GPATCH8: variants seen among roughly 807,000 people sequenced by gnomAD.
GPATCH8 encodes the protein G patch domain-containing protein 8.
Under a neutral mutation model 118.3 loss-of-function variants are expected in GPATCH8, and 18 were observed. That is an observed-to-expected ratio of 0.15 (90% CI 0.11 to 0.23). The LOEUF (loss-of-function observed/expected upper bound fraction) is 0.23. GPATCH8 is among the 10% of genes least tolerant of loss of function. GPATCH8 has a pLI of 1.00. For missense variants in GPATCH8, 1,631 were observed against 1,873.8 expected (o/e 0.87, Z 2.39); for synonymous variants, 659 against 684.7 (o/e 0.96, Z 0.59).
chr17:44,434,297 GAAGAAAAAGGGGA>G (rs939552624), intron 5 of GPATCH8, among the ~76,000 whole-genome samples: 1 of 151,686 alleles, frequency 6.6e-6, no homozygotes, highest in Non-Finnish European at 1.5e-5. Context: ...GAGGAAAGGA[GAAGAAAAAGGGGA>G]AAGAAAAAGG....
Position 44,464,339 on chromosome 17 carries a change from ACTACT to A in GPATCH8, c.193+128_193+132del, listed in dbSNP as rs996964864. The A allele has an allele frequency of 9.3e-6, 7 of 755,824 alleles. 1 individual carries two copies. The highest frequency in any genetic ancestry group is 2.5e-5 in the East Asian group (1 of 40,602). The allele number at this position is 755,824 out of a possible 1,614,324, so 46.8% of individuals were successfully genotyped here. ...TAAAATACAGTTATAGGACAAACAG[ACTACT>A]CTAAGGGGAAAAAGGTAGTAGGGAG... On this transcript the variant is annotated intron_variant, in intron 3 of 7. Coordinates refer to ENST00000591680, the MANE Select transcript of GPATCH8 (RefSeq NM_001002909.4).
intron 6 of GPATCH8, among the ~76,000 whole-genome samples, chr17:44,423,118 G>A (rs1185233298): frequency 3.9e-5 from 6 of 152,022 alleles, no homozygotes; most frequent in Non-Finnish European, 8.8e-5. Context: ...GCAGGCACCT[G>A]TAATCCCAGC....
chr17:44,470,962 T>G (rs764282144), intron 2 of GPATCH8, among the ~76,000 whole-genome samples: 4 of 152,232 alleles, frequency 2.6e-5, no homozygotes, highest in Admixed American at 6.5e-5. Flanking sequence ...AGGTTATAAT[T>G]ATAACATTTG....
chr17:44,454,683 A>G (rs979794266), intron 3 of GPATCH8, among the ~76,000 whole-genome samples: 10 of 152,118 alleles, frequency 6.6e-5, no homozygotes, highest in African/African-American at 2.4e-4. Context: ...TTGGTCTCCC[A>G]CAGTGCTGGG....
chr17:44,420,908 G>A (rs1036608590), intron 6 of GPATCH8, among the ~76,000 whole-genome samples: 2 of 152,018 alleles, frequency 1.3e-5, no homozygotes, highest in African/African-American at 4.8e-5. Context: ...CACTTAGGCT[G>A]GAGTGCAGTG....
intron 7 of GPATCH8, 144 bp from the exon 8 acceptor site, chr17:44,401,597 C>A: frequency 1.5e-6 from 1 of 662,200 alleles, no homozygotes; most frequent in South Asian, 1.7e-5. Flanking sequence ...TATTCCCTAG[C>A]CCTATACTAA....
chr17:44,489,398 T>C (rs1441099592), intron 1 of GPATCH8, among the ~76,000 whole-genome samples: 1 of 149,932 alleles, frequency 6.7e-6, no homozygotes. Flanking sequence ...TGGAATGCAA[T>C]GGTGCCATCT....
chr17:44,486,298 G>C (rs1968777628), intron 1 of GPATCH8: 1 of 151,900 alleles, frequency 6.6e-6, no homozygotes, highest in African/African-American at 2.4e-5. Flanking sequence ...GTGTTGCCCA[G>C]GCTGTTTTCA....
chr17:44,396,165 A>C lies in GPATCH8; in HGVS notation c.*1403T>G, dbSNP rs1244858062. On this transcript the variant is annotated 3_prime_UTR_variant, in exon 8 of 8. Transcript: ENST00000591680. Reference sequence around the variant, plus strand: ...GGCACATTAAAAAAAAAATTGTCAGAGGGGGCTAAGTACTAGGAAGGCAAA... The same window carrying C: ...GGCACATTAAAAAAAAAATTGTCAGCGGGGGCTAAGTACTAGGAAGGCAAA... 2.2e-6 allele frequency: 1 copy of C among 454,364 alleles called. No individual in the cohort carries two copies. Among genetic ancestry groups the C allele is most frequent in the African/African-American group, 2.0e-5 (1 of 49,972 alleles). The allele number at this position is 454,364 out of a possible 1,614,324, so 28.1% of individuals were successfully genotyped here.
At chr17:44,467,106 A>C (rs1348647621) in intron 2 of GPATCH8, 3 of 1,263,244 alleles carry the variant, frequency 2.4e-6, no homozygotes, top group African/African-American at 3.1e-5. Context: ...CCTGGCTTTA[A>C]AAACTGGGCT....
chr17:44,400,267 G>A lies in GPATCH8; in HGVS notation c.1810C>T (p.Gln604Ter). 6.2e-7 allele frequency: 1 copy of A among 1,614,072 alleles called. No individual in the cohort carries two copies. The highest frequency in any genetic ancestry group is 8.5e-7 in the Non-Finnish European group (1 of 1,179,952). Reference sequence around the variant, plus strand: ...TTTGGCTCACCAGGATCTAGGCCTTGGAGATGGTCCTTTGAGGAGCTTCCT... The same window carrying A: ...TTTGGCTCACCAGGATCTAGGCCTTAGAGATGGTCCTTTGAGGAGCTTCCT... The part of the protein sequence containing the change: ...DIGSSSKDHL[Q>*]GLDPGEPNKS... The change falls in exon 8 of 8, where the codon CAA becomes TAA. Residue 604 changes from glutamine to a stop codon, truncating the protein, a stop_gained. Coordinates refer to ENST00000591680, the MANE Select transcript of GPATCH8 (RefSeq NM_001002909.4). LOFTEE classifies it high-confidence loss of function.
At chr17:44,432,501 T>C (rs1481782099) in intron 5 of GPATCH8, among the ~76,000 whole-genome samples, 1 of 152,020 alleles carries the variant, frequency 6.6e-6, no homozygotes, top group African/African-American at 2.4e-5. Context: ...CCCAGTGAGG[T>C]TGGCAGAAAG....
chr17:44,503,335 T>C lies in GPATCH8; in HGVS notation c.36A>G (p.Arg12=), dbSNP rs1483457587. The change falls in exon 1 of 8, where the codon CGA becomes CGG. Residue 12 remains arginine, a synonymous_variant. Transcript: ENST00000591680. ...ADRFSRFNED[R]DFQGNHFDQY... is the part of the protein sequence containing the mutation. ...CGACGCCCGTGTTTACCTGAAAGTC[T>C]CGGTCTTCGTTGAAGCGGGAGAAGC... 2.5e-6 allele frequency: 4 copies of C among 1,611,018 alleles called. No homozygotes were observed. The African/African-American group carries it at 4.0e-5, about 16-fold the overall frequency.
Position 44,401,074 on chromosome 17 carries a change from CG to C in GPATCH8, c.1002del (p.Asp335MetfsTer12). The C allele has an allele frequency of 6.2e-7, 1 of 1,614,174 alleles. No individual in the cohort carries two copies. The highest frequency in any genetic ancestry group is 8.5e-7 in the Non-Finnish European group (1 of 1,180,030). On this transcript the variant is annotated frameshift_variant, in exon 8 of 8. Transcript: ENST00000591680. LOFTEE classifies it high-confidence loss of function. Reference protein sequence around the residue: ...EEGTSEDGTKPDEKSSDQGLQ... With the variant: ...EEGTSEDGTKXDEKSSDQGLQ... Reference sequence around the variant, plus strand: ...AGTCCTTGGTCAGAACTCTTCTCATCGGGTTTTGTTCCATCTTCAGAGGTCC... The same window carrying C: ...AGTCCTTGGTCAGAACTCTTCTCATCGGTTTTGTTCCATCTTCAGAGGTCC...
chr17:44,443,390 T>C (rs1598502564), intron 3 of GPATCH8, among the ~76,000 whole-genome samples: 2 of 152,190 alleles, frequency 1.3e-5, no homozygotes, highest in East Asian at 1.9e-4. Flanking sequence ...CTCCTGAAAA[T>C]GAGTCTTTAG....
chr17:44,481,311 T>C (rs911582632), intron 1 of GPATCH8, among the ~76,000 whole-genome samples: 2 of 152,226 alleles, frequency 1.3e-5, no homozygotes, highest in African/African-American at 4.8e-5. Context: ...ATTTGTACGC[T>C]AGAAACTATC....
chr17:44,439,532 C>T (rs1171475612), intron 3 of GPATCH8, among the ~76,000 whole-genome samples: 1 of 152,052 alleles, frequency 6.6e-6, no homozygotes, highest in Non-Finnish European at 1.5e-5. Flanking sequence ...AATTTCTTAA[C>T]ATTATTAAAG....
At chr17:44,433,029 G>T (rs1383887386) in intron 5 of GPATCH8, among the ~76,000 whole-genome samples, 1 of 151,234 alleles carries the variant, frequency 6.6e-6, no homozygotes, top group Admixed American at 6.6e-5. Flanking sequence ...TTTTCTTTTT[G>T]TAGAGACAGA....
At chr17:44,436,367 T>A in intron 4 of GPATCH8, 111 bp downstream of exon 4, 1 of 722,836 alleles carries the variant, frequency 1.4e-6, no homozygotes, top group Admixed American at 2.0e-5. Flanking sequence ...AAGAAAAATA[T>A]TAAAACTACA....
Sources: gnomAD v4.1 joint callset for allele counts (sites outside exome capture counted in the v4.1 genomes callset) on GRCh38, gnomAD v4.1.1 for gene constraint, MANE v1.5 for transcripts, NCBI Gene and HGNC (gene_info 2026-07-23, HGNC 2026-07-21) for gene names.